CSMD1: variants seen among roughly 807,000 people sequenced by gnomAD.
CSMD1 encodes CUB and Sushi multiple domains 1, also known as CUB and sushi domain-containing protein 1.
Under a neutral mutation model 417.5 loss-of-function variants are expected in CSMD1, and 213 were observed. The ratio of observed to expected loss-of-function variants is 0.51; its 90% CI spans 0.46 to 0.57. CSMD1 has a LOEUF of 0.57. CSMD1 is among the 20% of genes least tolerant of loss of function. CSMD1 has a pLI of 0.00. For synonymous variants in CSMD1, 2,862 were observed against 1,736.8 expected, an observed-to-expected ratio of 1.65 and a Z score of -16.11; for missense variants, 6,923 against 4,529.7, an observed-to-expected ratio of 1.53 and a Z score of -15.17.
chr8:4,576,507 C>A (rs926149115), intron 2 of CSMD1, among the ~76,000 whole-genome samples: 1 of 152,188 alleles, frequency 6.6e-6, no homozygotes, highest in African/African-American at 2.4e-5. Context: ...TAATAAGTAA[C>A]TCTCTCCTAC....
intron 1 of CSMD1, among the ~76,000 whole-genome samples, chr8:4,895,503 TCA>T (rs2117019377): frequency 1.3e-5 from 2 of 152,276 alleles, no homozygotes; most frequent in South Asian, 4.1e-4. Flanking sequence ...CTTTCTTAAT[TCA>T]CAGTCTTTTT....
intron 4 of CSMD1, among the ~76,000 whole-genome samples, chr8:4,003,754 T>C (rs1815886730): frequency 6.6e-6 from 1 of 152,194 alleles, no homozygotes; most frequent in Non-Finnish European, 1.5e-5. Context: ...CTGAGAGGGC[T>C]CATATACGCC....
intron 1 of CSMD1, among the ~76,000 whole-genome samples, chr8:4,971,012 T>C (rs1350359421): frequency 6.6e-6 from 1 of 152,062 alleles, no homozygotes; most frequent in Non-Finnish European, 1.5e-5. Context: ...TAGAGAAAAA[T>C]CTAGTTATTC....
At chr8:3,469,951 G>T (rs112068338) in intron 11 of CSMD1, among the ~76,000 whole-genome samples, 2,667 of 152,286 alleles carry the variant, frequency 0.018, 91 homozygotes, top group African/African-American at 0.06. Context: ...TGGCTTGTTT[G>T]AAGAGAGATT....
At chr8:2,957,266 CCT>C (rs1384829112) in intron 63 of CSMD1, among the ~76,000 whole-genome samples, 107 of 152,274 alleles carry the variant, frequency 7.0e-4, no homozygotes, top group African/African-American at 2.4e-3. Context: ...TTCAGTTCAT[CCT>C]CTCTTTGGTA....
intron 12 of CSMD1, among the ~76,000 whole-genome samples, chr8:3,421,560 A>C (rs970516707): frequency 6.6e-6 from 1 of 152,218 alleles, no homozygotes; most frequent in Non-Finnish European, 1.5e-5. Context: ...ATTCAAGATA[A>C]TATTTAGCCT....
chr8:4,609,012 G>GAA (rs60439250), intron 2 of CSMD1, among the ~76,000 whole-genome samples: 2,527 of 138,258 alleles, frequency 0.018, 59 homozygotes, highest in African/African-American at 0.058. Flanking sequence ...CTTGAATGTA[G>GAA]AAAAAAAAAA....
At chr8:3,209,317 T>A (rs202042410) in intron 30 of CSMD1, among the ~76,000 whole-genome samples, 1 of 117,024 alleles carries the variant, frequency 8.5e-6, no homozygotes, top group Non-Finnish European at 1.8e-5. Flanking sequence ...ATTTATTTAT[T>A]TATATTTATT....
At chr8:3,689,881 C>T (rs1338343549) in intron 7 of CSMD1, among the ~76,000 whole-genome samples, 1 of 152,164 alleles carries the variant, frequency 6.6e-6, no homozygotes, top group Non-Finnish European at 1.5e-5. Context: ...TCCAGCATTT[C>T]ATAGGGATAT....
chr8:3,614,921 GGAA>G (rs142881112), intron 8 of CSMD1, among the ~76,000 whole-genome samples: 14,306 of 152,148 alleles, frequency 0.094, 695 homozygotes, highest in South Asian at 0.11. Context: ...AAGGGAAGCA[GGAA>G]GAAGATTTTT....
At chr8:4,450,131 G>C (rs982762025) in intron 2 of CSMD1, among the ~76,000 whole-genome samples, 2 of 152,008 alleles carry the variant, frequency 1.3e-5, no homozygotes, top group African/African-American at 2.4e-5. Flanking sequence ...TTTGTCCATT[G>C]TTTTCCAAAT....
At chr8:3,672,609 A>G (rs1453224194) in intron 7 of CSMD1, among the ~76,000 whole-genome samples, 1 of 152,114 alleles carries the variant, frequency 6.6e-6, no homozygotes, top group Admixed American at 6.6e-5. Flanking sequence ...GCCATTGTCT[A>G]CTCTTGAAGG....
intron 3 of CSMD1, among the ~76,000 whole-genome samples, chr8:4,095,183 G>A (rs971247415): frequency 1.3e-5 from 2 of 152,196 alleles, no homozygotes; most frequent in African/African-American, 2.4e-5. Context: ...GATAGCCACA[G>A]CGAACACAAA....
chr8:3,790,598 C>T (rs954842072), intron 5 of CSMD1, among the ~76,000 whole-genome samples: 2 of 152,212 alleles, frequency 1.3e-5, no homozygotes, highest in African/African-American at 4.8e-5. Context: ...TTGGCATACA[C>T]AACAATTACA....
chr8:4,648,891 G>C (rs927215867), intron 1 of CSMD1, among the ~76,000 whole-genome samples: 5 of 152,192 alleles, frequency 3.3e-5, no homozygotes, highest in Admixed American at 1.3e-4. Flanking sequence ...AAGGATAAGA[G>C]TGTGCTTCCG....
chr8:3,155,594 C>T (rs975927100), intron 39 of CSMD1, among the ~76,000 whole-genome samples: 6 of 151,576 alleles, frequency 4.0e-5, no homozygotes, highest in African/African-American at 1.2e-4. Context: ...GTCTCGATCT[C>T]CTGACTTCGT....
At chr8:3,905,843 C>A (rs1808071378) in intron 5 of CSMD1, among the ~76,000 whole-genome samples, 2 of 152,296 alleles carry the variant, frequency 1.3e-5, no homozygotes, top group South Asian at 4.2e-4. Context: ...CATTCTAGTT[C>A]CTTCCGGACT....
intron 3 of CSMD1, among the ~76,000 whole-genome samples, chr8:4,151,119 A>G (rs922964405): frequency 1.3e-5 from 2 of 152,200 alleles, no homozygotes; most frequent in Non-Finnish European, 2.9e-5. Context: ...AGAAGATATT[A>G]GGATCCCTGT....
chr8:3,091,424 T>C, intron 48 of CSMD1, 92 bp downstream of exon 48: 2 of 919,822 alleles, frequency 2.2e-6, no homozygotes, highest in South Asian at 4.3e-5. Context: ...GAATTAGGAT[T>C]ATACTATAAA....
Sources: allele counts gnomAD v4.1 joint callset (sites outside exome capture counted in the v4.1 genomes callset), GRCh38; gene constraint gnomAD v4.1.1; transcripts MANE v1.5; gene names NCBI Gene and HGNC (gene_info 2026-07-23, HGNC 2026-07-21).